MAGIX: variants seen among roughly 807,000 people sequenced by gnomAD.
MAGIX encodes PDZ domain-containing protein MAGIX.
Under a neutral mutation model 10.0 loss-of-function variants are expected in MAGIX, and 13 were observed. That is an observed-to-expected ratio of 1.30 (90% confidence interval 0.84 to 2.06). MAGIX has a LOEUF of 2.06. Ranked by LOEUF, MAGIX falls within the 30% of genes most tolerant of loss-of-function variation. The pLI is 0.00. For synonymous variants in MAGIX, 108 were observed against 106.8 expected (o/e 1.01, Z -0.07); for missense variants, 235 against 245.2 (o/e 0.96, Z 0.28).
chrX:49,162,766 G>C (rs1468942257), intron 1 of MAGIX: 6 of 380,291 alleles, frequency 1.6e-5, no homozygotes, highest in Non-Finnish European at 2.7e-5. Context: ...GCGCGGGTCC[G>C]GGAGCCAGGC....
At chrX:49,165,959 G>A (rs2065363365) in intron 4 of MAGIX, 115 bp from the exon 6 acceptor site, 1 of 720,208 alleles carries the variant, frequency 1.4e-6, no homozygotes, top group South Asian at 2.8e-5. Context: ...GCCTGGAGGG[G>A]AGATTTCTCT....
At position 49,164,870 on chromosome X, in the gene MAGIX, G is replaced by A; in HGVS notation, c.110G>A (p.Trp37Ter). 1 of 1,211,889 alleles carries A rather than the reference G, an allele frequency of 8.3e-7. No homozygotes were observed. The highest frequency in any genetic ancestry group is 1.1e-6 in the Non-Finnish European group (1 of 895,242). ...CTGTGTCCTTTATTCCAGCACCGTT[G>A]GTTAGAGACATGTAACGCACCTCCC... The change falls in exon 3 of 5, where the codon TGG becomes TAG. Residue 37 changes from tryptophan to a stop codon, truncating the protein, a stop_gained. Coordinates refer to ENST00000616266, the Ensembl canonical transcript of MAGIX. LOFTEE classifies it high-confidence loss of function.
intron 2 of MAGIX, 112 bp downstream of exon 2, chrX:49,164,041 G>C: frequency 1.3e-6 from 1 of 775,108 alleles, no homozygotes; most frequent in African/African-American, 2.2e-5. Flanking sequence ...TGGGGCCAAG[G>C]GGCGCGACTT....
At chrX:49,164,158 G>C in intron 2 of MAGIX, 1 of 297,163 alleles carries the variant, frequency 3.4e-6, no homozygotes, top group East Asian at 5.3e-5. Context: ...ATGAGAGTGC[G>C]GAACTGGACC....
chrX:49,166,040 C>A lies in MAGIX; in HGVS notation c.503-34C>A, dbSNP rs782689863. On this transcript the variant is annotated intron_variant, in intron 4 of 4. Coordinates refer to ENST00000616266, the Ensembl canonical transcript of MAGIX. The stretch of plus-strand genomic sequence containing the variant: ...ATCCTCAGCCAAAGGCCTGGATTTC[C>A]CTTCCCTACTTCACCACCCAATCTA... 4 of 1,181,217 alleles carry A rather than the reference C, an allele frequency of 3.4e-6. No individual in the cohort carries two copies. The African/African-American group carries it at 7.1e-5, about 21-fold the overall frequency.
chrX:49,166,389 G>A, exon 5 of MAGIX: 1 of 1,136,794 alleles, frequency 8.8e-7, no homozygotes, highest in Non-Finnish European at 1.2e-6. Flanking sequence ...GCCGGAAGGC[G>A]GAGACACTGA....
At chrX:49,163,956 T>TG in intron 2 of MAGIX, 27 bp downstream of exon 2, 1 of 999,198 alleles carries the variant, frequency 1.0e-6, no homozygotes, top group Non-Finnish European at 1.3e-6. Context: ...GGGCCTCCGC[T>TG]GGGGGAGGGT....
intron 1 of MAGIX, 23 bp from the exon 2 acceptor site, chrX:49,163,760 G>T (rs1393704386): frequency 2.9e-6 from 3 of 1,032,519 alleles, no homozygotes; most frequent in African/African-American, 4.0e-5. Context: ...GGTCGGCGTT[G>T]ACCTGTCCCC....
exon 5 of MAGIX, chrX:49,166,081 A>C (rs1243750603): frequency 4.1e-6 from 5 of 1,210,610 alleles, no homozygotes; most frequent in Non-Finnish European, 5.6e-6. Context: ...TAGTCCCGTC[A>C]TGGCCAGATC....
intron 2 of MAGIX, chrX:49,164,254 A>C: frequency 4.0e-6 from 1 of 250,155 alleles, no homozygotes. Flanking sequence ...CAGGCCTGAA[A>C]TGTGAGTCAC....
At chrX:49,167,022 C>T (rs1293292696) in exon 5 of MAGIX, 1 of 113,593 alleles carries the variant, frequency 8.8e-6, no homozygotes, top group East Asian at 2.8e-4. Context: ...AGCAGGGCAG[C>T]TTCCTTCGCC....
chrX:49,166,180 CAAG>C (rs782747188), exon 5 of MAGIX: 6 of 1,211,896 alleles, frequency 5.0e-6, no homozygotes, highest in Non-Finnish European at 6.7e-6. Context: ...GGACGACGCT[CAAG>C]AAGACCCGGG....
In MAGIX at chrX:49,166,482, C is replaced by T. The variant is rs1225093239; in HGVS notation, c.*83C>T. 5 of 834,912 alleles carry T rather than the reference C, an allele frequency of 6.0e-6. No individual in the cohort carries two copies. The Admixed American group carries it at 2.0e-4, about 33-fold the overall frequency. 68.8% of individuals were successfully genotyped at this position (834,912 alleles called of 1,213,427 possible). A position where few individuals can be genotyped will look rare whatever the true frequency, so the allele number is the denominator to read the frequency against. On this transcript the variant is annotated 3_prime_UTR_variant, in exon 5 of 5. Transcript: ENST00000616266. The stretch of plus-strand genomic sequence containing the variant: ...GTGGCCGCTGGGCACTTGGCACCTC[C>T]CCAAGAGCTTCCACTTGGTTTGGTC...
At position 49,164,692 on chromosome X, in the gene MAGIX, G is replaced by A. The variant is rs782210744; in HGVS notation, c.-54-15G>A. 3.4e-5 allele frequency: 41 copies of A among 1,203,559 alleles called. No individual in the cohort carries two copies. The highest frequency in any genetic ancestry group is 3.9e-5 in the Non-Finnish European group (35 of 889,211). On this transcript the variant is annotated splice_polypyrimidine_tract_variant and intron_variant, in intron 2 of 4. Coordinates refer to ENST00000616266, the Ensembl canonical transcript of MAGIX. ...ATGTCCCCCAACAGCCCTCTCCACT[G>A]CTTTTATCTCCCAGCTGTTAGCGTG...
chrX:49,166,166 TC>T lies in MAGIX; in HGVS notation c.598del (p.Arg200GlyfsTer46). 1 of 1,211,488 alleles carries T rather than the reference TC, an allele frequency of 8.3e-7. No individual in the cohort carries two copies. The highest frequency in any genetic ancestry group is 1.1e-6 in the Non-Finnish European group (1 of 895,265). On this transcript the variant is annotated frameshift_variant, in exon 5 of 5. Transcript: ENST00000616266. LOFTEE classifies it low-confidence loss of function (END_TRUNC). ...CACTTCCCTAGTTCAGCACCCTCCA[TC>T]CCGGACGACGCTCAAGAAGACCCGG... is the stretch of plus-strand genomic sequence containing the variant.
At chrX:49,168,433 A>C (rs2065379578) in exon 5 of MAGIX, 1 of 86,796 alleles carries the variant, frequency 1.2e-5, no homozygotes, top group Admixed American at 1.6e-4. Flanking sequence ...GCACCACTGC[A>C]CTCCAGCCTG....
chrX:49,167,897 C>T (rs1557098626), exon 5 of MAGIX: 5 of 111,967 alleles, frequency 4.5e-5, no homozygotes, highest in African/African-American at 1.3e-4. Flanking sequence ...CTCAACTATC[C>T]GAATATGTCC....
exon 2 of MAGIX, chrX:49,163,812 A>G (rs782316607): frequency 9.5e-7 from 1 of 1,048,377 alleles, no homozygotes; most frequent in Admixed American, 4.9e-5. Flanking sequence ...CGCGGGCCCT[A>G]GCGCCCGGCA....
chrX:49,167,324 A>T (rs1557098535), exon 5 of MAGIX: 1 of 113,949 alleles, frequency 8.8e-6, no homozygotes, highest in Non-Finnish European at 1.9e-5. Context: ...CTGGGAACAG[A>T]GCCCTACAGC....
Sources: gnomAD v4.1 joint callset for allele counts on GRCh38, gnomAD v4.1.1 for gene constraint, MANE v1.5 for transcripts, NCBI Gene and HGNC (gene_info 2026-07-23, HGNC 2026-07-21) for gene names.